ZNF723: variants seen among roughly 807,000 people sequenced by gnomAD.
ZNF723 encodes zinc finger protein 723, also known as zinc finger protein 723, pseudogene.
Under a neutral mutation model 9.4 loss-of-function variants are expected in ZNF723, and 5 were observed. That is an observed-to-expected ratio of 0.53 (90% CI 0.28 to 1.12). ZNF723 has a LOEUF of 1.12. Among genes scored for constraint, ZNF723 ranks in the 50% most tolerant of loss-of-function variants. The probability of loss-of-function intolerance (pLI) is 0.10; values close to 1 mark genes in which losing one functional copy is unlikely to be tolerated. For synonymous variants in ZNF723, 158 were observed against 168.8 expected, an observed-to-expected ratio of 0.94 and a Z score of 0.49; for missense variants, 450 against 501.5, an observed-to-expected ratio of 0.90 and a Z score of 0.98.
chr19:22,813,885 C>T, the ZNF723 span, among the ~76,000 whole-genome samples: 1 of 150,752 alleles, frequency 6.6e-6, no homozygotes, highest in East Asian at 2.0e-4. Context: ...GATCTTGGCT[C>T]ACCACAACCT....
chr19:22,844,112 C>G (rs1371692425), intron 1 of ZNF723, among the ~76,000 whole-genome samples: 1 of 152,082 alleles, frequency 6.6e-6, no homozygotes, highest in Non-Finnish European at 1.5e-5. Context: ...TGCTGCCTTT[C>G]TAAAGCTGGT....
At chr19:22,856,017 T>C (rs769006490) in intron 3 of ZNF723, among the ~76,000 whole-genome samples, 28 of 152,158 alleles carry the variant, frequency 1.8e-4, no homozygotes, top group Admixed American at 8.5e-4. Flanking sequence ...TGGAGTGCAA[T>C]GGCGTGGTCT....
At chr19:22,824,445 C>A in the ZNF723 span, among the ~76,000 whole-genome samples, 16 of 152,124 alleles carry the variant, frequency 1.1e-4, no homozygotes, top group African/African-American at 3.9e-4. Flanking sequence ...GTGACATATG[C>A]CTGGGACGTG....
intron 3 of ZNF723, among the ~76,000 whole-genome samples, chr19:22,855,130 T>C (rs1478973378): frequency 6.6e-6 from 1 of 152,186 alleles, no homozygotes; most frequent in Non-Finnish European, 1.5e-5. Flanking sequence ...TTACAAATGT[T>C]TTCTGCACCG....
Position 22,858,245 on chromosome 19 carries a change from C to T in ZNF723, c.1354C>T (p.Pro452Ser), listed in dbSNP as rs1967512179. The T allele has an allele frequency of 7.4e-7, 1 of 1,346,882 alleles. No individual in the cohort carries two copies. The highest frequency in any genetic ancestry group is 1.1e-6 in the Non-Finnish European group (1 of 939,476). 83.4% of individuals were successfully genotyped at this position (1,346,882 alleles called of 1,614,324 possible). The stretch of plus-strand genomic sequence containing the variant: ...TAAGATAATTCATACTAAAGAGAAA[C>T]CCTACAAATGTGAAGAATGTGGCAA... ...KHKIIHTKEK[P>S]YKCEECGKAF... Residue 452 changes from proline (P) to serine (S), a missense_variant, in exon 4 of 4, where the codon CCC becomes TCC. By Grantham distance (74) the Pro-to-Ser change is moderately conservative. Transcript: ENST00000600766.
chr19:22,816,967 C>T, the ZNF723 span, among the ~76,000 whole-genome samples: 1 of 152,232 alleles, frequency 6.6e-6, no homozygotes, highest in Non-Finnish European at 1.5e-5. Flanking sequence ...GTAACCAGCA[C>T]CTAGGTGATG....
chr19:22,854,752 G>A (rs909481022), intron 3 of ZNF723, among the ~76,000 whole-genome samples: 10 of 151,948 alleles, frequency 6.6e-5, no homozygotes, highest in Non-Finnish European at 1.0e-4. Flanking sequence ...AGCTGAATAC[G>A]AAAATGTTTC....
chr19:22,848,472 C>T, intron 2 of ZNF723, 85 bp downstream of exon 2: 1 of 1,051,612 alleles, frequency 9.5e-7, no homozygotes, highest in East Asian at 2.6e-5. Context: ...GTAATTGATG[C>T]TTTGCATAAA....
upstream of ZNF723, among the ~76,000 whole-genome samples, chr19:22,828,866 C>A (rs1967064419): frequency 6.6e-6 from 1 of 152,076 alleles, no homozygotes; most frequent in Non-Finnish European, 1.5e-5. Context: ...GAAGCCCCTT[C>A]TAATCCTTTA....
At chr19:22,831,814 A>G (rs760855711), upstream of ZNF723, among the ~76,000 whole-genome samples, 109 of 152,212 alleles carry the variant, frequency 7.2e-4, no homozygotes, top group Middle Eastern at 3.4e-3. Context: ...AGGCTGAGGC[A>G]GAAGAATCGC....
At chr19:22,850,248 C>A (rs1035236620) in intron 3 of ZNF723, among the ~76,000 whole-genome samples, 1 of 151,992 alleles carries the variant, frequency 6.6e-6, no homozygotes, top group Non-Finnish European at 1.5e-5. Context: ...CTCTTGTTGC[C>A]CAGGCTGGAG....
chr19:22,813,458 A>C, the ZNF723 span, among the ~76,000 whole-genome samples: 1 of 152,078 alleles, frequency 6.6e-6, no homozygotes, highest in Non-Finnish European at 1.5e-5. Flanking sequence ...CTTGCATCCA[A>C]GTAATGTAAG....
intron 1 of ZNF723, among the ~76,000 whole-genome samples, chr19:22,844,889 G>A (rs151044921): frequency 0.032 from 4,926 of 152,218 alleles, 274 homozygotes; most frequent in African/African-American, 0.11. Flanking sequence ...AGGCCGAGGC[G>A]GGTGGATCAT....
intron 3 of ZNF723, among the ~76,000 whole-genome samples, chr19:22,850,456 G>A (rs1471047722): frequency 6.7e-6 from 1 of 148,230 alleles, no homozygotes; most frequent in African/African-American, 2.5e-5. Context: ...ATCGGCCCAC[G>A]TCGGCCTCCC....
intron 1 of ZNF723, among the ~76,000 whole-genome samples, chr19:22,842,594 A>G: frequency 6.6e-6 from 1 of 152,194 alleles, no homozygotes; most frequent in East Asian, 1.9e-4. Flanking sequence ...CCAGGTTACA[A>G]TCCTCAAGCT....
chr19:22,847,406 A>G (rs925047492), intron 1 of ZNF723, among the ~76,000 whole-genome samples: 6 of 152,176 alleles, frequency 3.9e-5, no homozygotes, highest in African/African-American at 1.4e-4. Flanking sequence ...AAAACTGGAA[A>G]AAACACAGGT....
At chr19:22,830,819 G>C (rs11085551), upstream of ZNF723, among the ~76,000 whole-genome samples, 8 of 152,158 alleles carry the variant, frequency 5.3e-5, no homozygotes, top group African/African-American at 1.7e-4. Context: ...CTGGAGTGCA[G>C]TGGTGCGATC....
chr19:22,828,329 C>T (rs569508372), upstream of ZNF723, among the ~76,000 whole-genome samples: 30 of 152,202 alleles, frequency 2.0e-4, no homozygotes, highest in South Asian at 1.4e-3. Context: ...CTCTGACCTA[C>T]GTAAGAACTT....
In ZNF723 at chr19:22,857,478, C is replaced by A; in HGVS notation, c.587C>A (p.Thr196Asn). 1 of 1,102,376 alleles carries A rather than the reference C, an allele frequency of 9.1e-7. No homozygotes were observed. The highest frequency in any genetic ancestry group is 1.4e-6 in the Non-Finnish European group (1 of 719,396). The allele number at this position is 1,102,376 out of a possible 1,614,324, so 68.3% of individuals were successfully genotyped here. A position where few individuals can be genotyped will look rare whatever the true frequency, so the allele number is the denominator to read the frequency against. The change falls in exon 4 of 4, where the codon ACT becomes AAT. Residue 196 changes from threonine to asparagine, a missense_variant. Transcript: ENST00000600766. ...SHLTKHERNH[T>N]RVNCYKCEEC... ...CTAACTAAACATGAAAGAAATCATA[C>A]TAGAGTGAATTGTTACAAATGTGAA...
Sources: gnomAD v4.1 joint callset for allele counts (sites outside exome capture counted in the v4.1 genomes callset) on GRCh38, gnomAD v4.1.1 for gene constraint, MANE v1.5 for transcripts, NCBI Gene and HGNC (gene_info 2026-07-23, HGNC 2026-07-21) for gene names.